Variants in FANCI observed in about 807,000 individuals in gnomAD.
The protein encoded by FANCI is Fanconi anemia group I protein.
FANCI carries 156 observed loss-of-function variants against 176.1 expected under a neutral mutation model. That is an observed-to-expected ratio of 0.89 (90% CI 0.78 to 1.01). The LOEUF is 1.01. FANCI is among the 50% of genes least tolerant of loss of function. FANCI has a pLI of 0.00. For synonymous variants in FANCI, 613 were observed against 541.7 expected (o/e 1.13, Z -1.83); for missense variants, 1,678 against 1,534.1 (o/e 1.09, Z -1.57).
In FANCI at chr15:89,313,195, CT is replaced by C. The variant is rs538256563; in HGVS notation, c.3720+227del. On this transcript the variant is annotated intron_variant, in intron 35 of 37. Transcript: ENST00000310775. ...GACAGCTAAAAACGGTATGGAATTT[CT>C]TTTGGGGGTGATGAAAATGTTTTAG... Among the ~76,000 whole-genome samples, 42 of 151,550 alleles carry C rather than the reference CT, an allele frequency of 2.8e-4. 1 individual carries two copies. Among genetic ancestry groups the C allele is most frequent in the Middle Eastern group, 6.8e-3 (2 of 292 alleles).
chr15:89,284,738 T>G (rs925743710), intron 17 of FANCI, among the ~76,000 whole-genome samples: 38 of 152,262 alleles, frequency 2.5e-4, no homozygotes, highest in African/African-American at 8.9e-4. Flanking sequence ...AATAGTGAGA[T>G]TCTTCTAGCT....
chr15:89,272,550 TCTTTA>T (rs1386460802), intron 10 of FANCI, among the ~76,000 whole-genome samples: 1 of 152,182 alleles, frequency 6.6e-6, no homozygotes, highest in Non-Finnish European at 1.5e-5. Flanking sequence ...ATGTAAGCAA[TCTTTA>T]CTTAATCCAA....
chr15:89,305,221 G>T lies in FANCI; in HGVS notation c.3165G>T (p.Gly1055=), dbSNP rs1596324375. The T allele has an allele frequency of 6.2e-7, 1 of 1,614,204 alleles. No individual in the cohort carries two copies. The highest frequency in any genetic ancestry group is 1.3e-5 in the African/African-American group (1 of 75,040). Residue 1055 remains glycine, a synonymous_variant, in exon 29 of 38, where the codon GGG becomes GGT. Coordinates refer to ENST00000310775, the MANE Select transcript of FANCI (RefSeq NM_001113378.2). ...GTGACTTGTCCCAGGATATCCACGG[G>T]CATCTGGGAGATATAGACCAGGTAC... is the stretch of plus-strand genomic sequence containing the variant. ...LLRDLSQDIH[G]HLGDIDQDVE...
At chr15:89,274,682 G>A (rs1458020434) in intron 12 of FANCI, among the ~76,000 whole-genome samples, 3 of 127,230 alleles carry the variant, frequency 2.4e-5, no homozygotes, top group Non-Finnish European at 4.6e-5. Flanking sequence ...TTGGCTCACT[G>A]CACCCTTGAC....
Position 89,315,329 on chromosome 15 carries a change from G to A in FANCI, c.3864G>A (p.Lys1288=), listed in dbSNP as rs2152030838. Residue 1288 remains lysine (K), a synonymous_variant, in exon 37 of 38, where the codon AAG becomes AAA. Transcript: ENST00000310775. ...HMKLSTSRDF[K]IKGNILDMVL... is the part of the protein sequence containing the mutation. The stretch of plus-strand genomic sequence containing the variant: ...AGCTCAGCACCTCACGAGACTTCAA[G>A]ATCAAAGGAAACATCCTAGACATGG... 3 of 1,614,110 alleles carry A rather than the reference G, an allele frequency of 1.9e-6. No homozygotes were observed. Among genetic ancestry groups the A allele is most frequent in the Middle Eastern group, 1.6e-4 (1 of 6,062 alleles).
chr15:89,262,558 C>A (rs948868668), intron 6 of FANCI, among the ~76,000 whole-genome samples: 1 of 151,960 alleles, frequency 6.6e-6, no homozygotes, highest in East Asian at 1.9e-4. Flanking sequence ...ACTGTGATTG[C>A]GTGTAGGTTT....
chr15:89,276,942 G>T, intron 13 of FANCI, 51 bp downstream of exon 13: 2 of 1,596,104 alleles, frequency 1.3e-6, no homozygotes, highest in Non-Finnish European at 1.7e-6. Flanking sequence ...AATAATCCAA[G>T]TAGGGCTTGG....
Position 89,247,685 on chromosome 15 carries a change from C to T in FANCI, c.38C>T (p.Thr13Ile). 6.2e-7 allele frequency: 1 copy of T among 1,613,966 alleles called. No homozygotes were observed. Among genetic ancestry groups the T allele is most frequent in the Non-Finnish European group, 8.5e-7 (1 of 1,179,954 alleles). ...QKILSLAAEKTADKLQEFLQT... is the reference protein window; with the variant it reads ...QKILSLAAEKIADKLQEFLQT... ...ATTTTATCTCTAGCAGCAGAAAAAA[C>T]AGCAGACAAACTGCAAGAATTTCTT... Residue 13 changes from threonine (T) to isoleucine (I), a missense_variant, in exon 2 of 38, where the codon ACA (threonine) becomes ATA (isoleucine). Coordinates refer to ENST00000310775, the MANE Select transcript of FANCI (RefSeq NM_001113378.2).
intron 2 of FANCI, among the ~76,000 whole-genome samples, chr15:89,256,714 C>G (rs956777188): frequency 8.5e-5 from 13 of 152,128 alleles, no homozygotes; most frequent in African/African-American, 2.9e-4. Context: ...TTGGATATCT[C>G]AGAGTAGTGG....
In FANCI at chr15:89,316,530, T is replaced by C. The variant is rs1447874569; in HGVS notation, c.*71T>C. On this transcript the variant is annotated 3_prime_UTR_variant, in exon 38 of 38. Transcript: ENST00000310775. ...TTTACCCAACAAGCAACAATGCCCC[T>C]TGTCCTGTAGTCCACACCGATGTTG... 1 of 1,468,206 alleles carries C rather than the reference T, an allele frequency of 6.8e-7. No homozygotes were observed. The highest frequency in any genetic ancestry group is 1.9e-5 in the Admixed American group (1 of 52,356). The allele number at this position is 1,468,206 out of a possible 1,614,324, so 90.9% of individuals were successfully genotyped here. A position where few individuals can be genotyped will look rare whatever the true frequency, so the allele number is the denominator to read the frequency against.
At chr15:89,302,373 T>C (rs1173160426) in intron 27 of FANCI, among the ~76,000 whole-genome samples, 2 of 151,970 alleles carry the variant, frequency 1.3e-5, no homozygotes, top group Admixed American at 6.5e-5. Context: ...ACTGCTGTTT[T>C]TGCTGCAAAG....
intron 10 of FANCI, 64 bp downstream of exon 10, chr15:89,268,589 C>T: frequency 6.3e-7 from 1 of 1,590,326 alleles, no homozygotes; most frequent in Non-Finnish European, 8.6e-7. Flanking sequence ...ACTTAAGCCA[C>T]TGTTATGCCA....
chr15:89,247,058 G>A (rs947534429), intron 1 of FANCI, among the ~76,000 whole-genome samples: 2 of 149,476 alleles, frequency 1.3e-5, no homozygotes, highest in Non-Finnish European at 3.0e-5. Context: ...CATGAGCCAC[G>A]GTGCCGGCCT....
In FANCI at chr15:89,268,531, A is replaced by G. The variant is rs752304130; in HGVS notation, c.882+6A>G. 58 of 1,614,032 alleles carry G rather than the reference A, an allele frequency of 3.6e-5. No individual in the cohort carries two copies. In the South Asian group the frequency reaches 4.1e-4, roughly 11 times the overall value. ...AACTCGTGAAACACTTAAAGGTAGCATCAAACTTGTAAGGTGATCTGGGTC... is the reference window on the plus strand; with the variant it reads ...AACTCGTGAAACACTTAAAGGTAGCGTCAAACTTGTAAGGTGATCTGGGTC... On this transcript the variant is annotated splice_donor_region_variant and intron_variant, in intron 10 of 37. Transcript: ENST00000310775.
At position 89,313,037 on chromosome 15, in the gene FANCI, A is replaced by C. The variant is rs2055033310; in HGVS notation, c.3720+65A>C. The C allele has an allele frequency of 2.7e-6, 4 of 1,479,642 alleles. No homozygotes were observed. The Admixed American group carries it at 5.0e-5, about 19-fold the overall frequency. The allele number at this position is 1,479,642 out of a possible 1,614,324, so 91.7% of individuals were successfully genotyped here. A position where few individuals can be genotyped will look rare whatever the true frequency, so the allele number is the denominator to read the frequency against. ...TGAACCCGAAAACATGAAGCGGAAG[A>C]AGCCAGTGACAAAAAGACCACGTGT... is the stretch of plus-strand genomic sequence containing the variant. On this transcript the variant is annotated intron_variant, in intron 35 of 37. Transcript: ENST00000310775.
Position 89,274,168 on chromosome 15 carries a change from G to T in FANCI, c.976G>T (p.Val326Leu). ...TTTATTTTTATTAACTATACTCAAGGTGCTTGATCTTTTAAAGACTTCGGT... is the reference window on the plus strand; with the variant it reads ...TTTATTTTTATTAACTATACTCAAGTTGCTTGATCTTTTAAAGACTTCGGT... The part of the protein sequence containing the change: ...VTRIQRFQDQ[V>L]LDLLKTSVVK... The change falls in exon 12 of 38, where the codon GTG (valine) becomes TTG (leucine). Residue 326 changes from valine (V) to leucine (L), a missense_variant and splice_region_variant. Val to Leu is a conservative substitution (Grantham distance 32). Coordinates refer to ENST00000310775, the MANE Select transcript of FANCI (RefSeq NM_001113378.2). The T allele has an allele frequency of 6.4e-7, 1 of 1,554,222 alleles. No individual in the cohort carries two copies.
At chr15:89,312,817 A>C in intron 34 of FANCI, 87 bp from the exon 35 acceptor site, 1 of 37,568 alleles carries the variant, frequency 2.7e-5, no homozygotes, top group Non-Finnish European at 4.0e-5. Context: ...GCTCTGTCTT[A>C]AAAAAAAAAA....
In FANCI at chr15:89,279,141, T is replaced by TTTGTTG. The variant is rs140164531; in HGVS notation, c.1381+394_1381+399dup. On this transcript the variant is annotated intron_variant, in intron 14 of 37. Transcript: ENST00000310775. ...CTCTGGTAACCTCTGAATTTGCTGT[T>TTTGTTG]TTGTTGTTGTTGTTGTTGTTGTTGT... 7.4e-4 allele frequency among the ~76,000 whole-genome samples: 112 copies of TTTGTTG among 151,010 alleles called. 1 individual carries two copies. The highest frequency in any genetic ancestry group is 6.8e-3 in the Middle Eastern group (2 of 292).
At chr15:89,282,975 G>A in intron 16 of FANCI, 161 bp from the exon 17 acceptor site, 1 of 725,982 alleles carries the variant, frequency 1.4e-6, no homozygotes, top group East Asian at 2.7e-5. Flanking sequence ...GCTTTGAACA[G>A]CTGATACCTT....
Sources: allele counts gnomAD v4.1 joint callset (sites outside exome capture counted in the v4.1 genomes callset), GRCh38; gene constraint gnomAD v4.1.1; transcripts MANE v1.5; gene names NCBI Gene and HGNC (gene_info 2026-07-23, HGNC 2026-07-21).